The following DLGAP4 variants were observed in gnomAD, a reference collection of about 807,000 sequenced individuals.
DLGAP4 encodes the protein disks large-associated protein 4.
Under a neutral mutation model 86.9 loss-of-function variants are expected in DLGAP4, and 18 were observed. The observed-to-expected ratio is 0.21, with a 90% CI of 0.14 to 0.31. The LOEUF (loss-of-function observed/expected upper bound fraction) is 0.31. DLGAP4 is among the 10% of genes least tolerant of loss of function. The probability of loss-of-function intolerance (pLI) is 1.00; values close to 1 mark genes in which losing one functional copy is unlikely to be tolerated. For synonymous variants in DLGAP4, 548 were observed against 574.3 expected (o/e 0.95, Z 0.65); for missense variants, 1,085 against 1,362.6 (o/e 0.80, Z 3.21).
intron 11 of DLGAP4, 81 bp downstream of exon 11, chr20:36,524,422 CTG>C: frequency 8.4e-7 from 1 of 1,188,392 alleles, no homozygotes; most frequent in Non-Finnish European, 1.2e-6. Context: ...CTCGAAGCCT[CTG>C]TGCCCTCCTC....
At chr20:36,503,511 G>A (rs1200482011) in intron 10 of DLGAP4, among the ~76,000 whole-genome samples, 5 of 117,876 alleles carry the variant, frequency 4.2e-5, no homozygotes, top group African/African-American at 1.1e-4. Context: ...TTTTTGAGAC[G>A]GAGTCTCGCT....
At chr20:36,447,903 G>C (rs867591218) in intron 7 of DLGAP4, among the ~76,000 whole-genome samples, 1 of 125,836 alleles carries the variant, frequency 7.9e-6, no homozygotes, top group Admixed American at 7.7e-5. Context: ...CAGGGGGGTG[G>C]GGGGGGGGGA....
chr20:36,363,879 G>T (rs6029377), intron 1 of DLGAP4, among the ~76,000 whole-genome samples: 33 of 152,248 alleles, frequency 2.2e-4, no homozygotes, highest in African/African-American at 6.7e-4. Flanking sequence ...GCCAATGATC[G>T]TGGCAATGGT....
At chr20:36,309,632 G>A (rs1243902780) in intron 1 of DLGAP4, among the ~76,000 whole-genome samples, 4 of 152,214 alleles carry the variant, frequency 2.6e-5, no homozygotes, top group Non-Finnish European at 4.4e-5. Flanking sequence ...GCCATGCTGG[G>A]GCAGACCTGG....
chr20:36,506,772 GTT>G (rs2036397551), intron 10 of DLGAP4, among the ~76,000 whole-genome samples: 1 of 152,138 alleles, frequency 6.6e-6, no homozygotes, highest in African/African-American at 2.4e-5. Context: ...TCTAGAACTT[GTT>G]TTGTCTTCCC....
rs1195349913 is a variant in DLGAP4 at position 36,431,624 on chromosome 20, G to A, written c.-72-22G>A. On this transcript the variant is annotated intron_variant, in intron 2 of 12. Coordinates refer to ENST00000339266, the MANE Select transcript of DLGAP4 (RefSeq NM_001365621.2). This position sits in a 1 kb window ranked among gnomAD's most constrained non-coding sequence, Gnocchi z 5.1. ...CGACAATCCAGCTGACCAGCTGACC[G>A]CTTTCTGTCTTCTCTCCCTAGGATA... is the stretch of plus-strand genomic sequence containing the variant. The A allele has an allele frequency of 7.8e-6, 11 of 1,410,192 alleles. No homozygotes were observed. Among genetic ancestry groups the A allele is most frequent in the African/African-American group, 2.9e-5 (2 of 68,890 alleles). 87.4% of individuals were successfully genotyped at this position (1,410,192 alleles called of 1,614,324 possible). A position where few individuals can be genotyped will look rare whatever the true frequency, so the allele number is the denominator to read the frequency against.
chr20:36,468,071 A>G (rs1479285477), intron 7 of DLGAP4, among the ~76,000 whole-genome samples: 5 of 152,180 alleles, frequency 3.3e-5, no homozygotes, highest in Admixed American at 2.6e-4. Context: ...AAGCCCACAA[A>G]TCTTGCTTTC....
At chr20:36,449,400 T>C (rs1600545448) in intron 7 of DLGAP4, among the ~76,000 whole-genome samples, 1 of 152,212 alleles carries the variant, frequency 6.6e-6, no homozygotes, top group South Asian at 2.1e-4. Context: ...TCTGAAAATA[T>C]AGACTGGTCT....
At chr20:36,332,353 G>A (rs540564172) in intron 1 of DLGAP4, among the ~76,000 whole-genome samples, 12 of 151,846 alleles carry the variant, frequency 7.9e-5, no homozygotes, top group East Asian at 3.9e-4. Flanking sequence ...TCCCTGTCCC[G>A]CCCGTTCCGT....
intron 4 of DLGAP4, among the ~76,000 whole-genome samples, chr20:36,437,394 C>T (rs1569499157): frequency 1.3e-5 from 2 of 152,174 alleles, no homozygotes; most frequent in African/African-American, 4.8e-5. Flanking sequence ...AACTGTCCCA[C>T]GGGATCTTGG....
At chr20:36,347,917 C>T (rs1002357844) in intron 1 of DLGAP4, among the ~76,000 whole-genome samples, 12 of 151,982 alleles carry the variant, frequency 7.9e-5, no homozygotes, top group African/African-American at 2.7e-4. Flanking sequence ...GGTGTCTCCA[C>T]GATCATTCAG....
intron 2 of DLGAP4, among the ~76,000 whole-genome samples, chr20:36,406,397 C>CAAAAAAAAAA (rs72014350): frequency 9.1e-6 from 1 of 110,142 alleles, no homozygotes; most frequent in African/African-American, 3.6e-5. Flanking sequence ...GACTCCACCT[C>CAAAAAAAAAA]AAAAAAAAAA....
At chr20:36,476,702 T>TG (rs1332522625) in intron 7 of DLGAP4, among the ~76,000 whole-genome samples, 1 of 144,716 alleles carries the variant, frequency 6.9e-6, no homozygotes, top group Non-Finnish European at 1.5e-5. Context: ...TTTTTTTTTT[T>TG]TGGTTTTTTT....
At chr20:36,317,882 T>C (rs2065124626) in intron 1 of DLGAP4, among the ~76,000 whole-genome samples, 1 of 151,838 alleles carries the variant, frequency 6.6e-6, no homozygotes, top group Non-Finnish European at 1.5e-5. Context: ...CTGGCTGAGG[T>C]TGGCAGGGAT....
chr20:36,310,452 G>A (rs2065044412), intron 1 of DLGAP4, among the ~76,000 whole-genome samples: 2 of 152,028 alleles, frequency 1.3e-5, no homozygotes, highest in African/African-American at 4.8e-5. Context: ...CTTTGGATGA[G>A]GCGTGTCCCC....
At chr20:36,319,075 G>A (rs1234451098) in intron 1 of DLGAP4, among the ~76,000 whole-genome samples, 1 of 151,836 alleles carries the variant, frequency 6.6e-6, no homozygotes, top group African/African-American at 2.4e-5. Flanking sequence ...CCTGGGAGGT[G>A]GAGGTTGCAG....
intron 2 of DLGAP4, among the ~76,000 whole-genome samples, chr20:36,378,975 C>T (rs1450567651): frequency 6.6e-6 from 1 of 152,136 alleles, no homozygotes; most frequent in Non-Finnish European, 1.5e-5. Context: ...GCTTCCTGCC[C>T]TCAACAAGCT....
At chr20:36,436,065 C>T (rs772623519) in intron 3 of DLGAP4, 44 bp from the exon 4 acceptor site, 2 of 1,507,328 alleles carry the variant, frequency 1.3e-6, no homozygotes, top group Admixed American at 2.1e-5. Context: ...GCCATCTGCT[C>T]ATTTTCTGCG....
intron 1 of DLGAP4, among the ~76,000 whole-genome samples, chr20:36,348,844 T>C (rs1025700137): frequency 5.3e-5 from 8 of 151,308 alleles, no homozygotes; most frequent in Non-Finnish European, 1.0e-4. Flanking sequence ...CTTATGCCTG[T>C]AATCCCAGAA....
Sources: allele counts gnomAD v4.1 joint callset (sites outside exome capture counted in the v4.1 genomes callset), GRCh38; gene constraint gnomAD v4.1.1; non-coding constraint Gnocchi (gnomAD v3.1); transcripts MANE v1.5; gene names NCBI Gene and HGNC (gene_info 2026-07-23, HGNC 2026-07-21).